The following CACNA1C variants were observed in gnomAD, a reference collection of about 807,000 sequenced individuals.
CACNA1C encodes calcium voltage-gated channel subunit alpha1 C.
In CACNA1C, 30 loss-of-function variants were observed where a neutral mutation model predicts 229.0. The ratio of observed to expected loss-of-function variants is 0.13; its 90% CI spans 0.10 to 0.18. CACNA1C has a LOEUF of 0.18. Ranked by LOEUF, CACNA1C falls within the 10% of genes least tolerant of loss-of-function variation. The pLI, the probability that CACNA1C is intolerant of heterozygous loss-of-function variation, is 1.00. For synonymous variants in CACNA1C, 1,114 were observed against 1,132.5 expected, an observed-to-expected ratio of 0.98 and a Z score of 0.33; for missense variants, 1,658 against 2,845.0, an observed-to-expected ratio of 0.58 and a Z score of 9.49.
At chr12:2,420,915 C>T (rs750538840) in intron 3 of CACNA1C, among the ~76,000 whole-genome samples, 3 of 152,184 alleles carry the variant, frequency 2.0e-5, no homozygotes, top group Non-Finnish European at 4.4e-5. Context: ...CTTGGGGGTG[C>T]TCTGAAACCT....
intron 1 of CACNA1C, among the ~76,000 whole-genome samples, chr12:2,031,282 A>G (rs1376104805): frequency 6.6e-6 from 1 of 152,164 alleles, no homozygotes; most frequent in Non-Finnish European, 1.5e-5. Context: ...TGGTCTCAGT[A>G]CGGAGAAACC....
At position 2,285,973 on chromosome 12, in the gene CACNA1C, G is replaced by C. The variant is rs2092613277; in HGVS notation, c.478-163003G>C. On this transcript the variant is annotated intron_variant, in intron 3 of 46. Transcript: ENST00000399655. The surrounding 1 kb of genome is among the most constrained non-coding windows in gnomAD (Gnocchi z 4.2). ...TTATAGTCAGGGAGTTTGAGGCCCA[G>C]GGACATTTCCCAGGGGATGAACTCT... Among the ~76,000 whole-genome samples the C allele has an allele frequency of 1.3e-5, 2 of 152,188 alleles. No homozygotes were observed.
intron 1 of CACNA1C, among the ~76,000 whole-genome samples, chr12:2,012,738 G>A (rs1485195962): frequency 1.3e-5 from 2 of 152,206 alleles, no homozygotes; most frequent in Non-Finnish European, 1.5e-5. Context: ...GTGATGTACA[G>A]GCAAGTACCA....
intron 3 of CACNA1C, among the ~76,000 whole-genome samples, chr12:2,291,767 C>T (rs1380220635): frequency 6.6e-6 from 1 of 152,156 alleles, no homozygotes; most frequent in Admixed American, 6.5e-5. Context: ...TGTAACCAGC[C>T]CACTGGAATC....
intron 3 of CACNA1C, among the ~76,000 whole-genome samples, chr12:2,332,092 A>G (rs2096565893): frequency 6.6e-6 from 1 of 152,224 alleles, no homozygotes; most frequent in African/African-American, 2.4e-5. Flanking sequence ...CTTTGTTTCT[A>G]TAAAATACAT....
intron 7 of CACNA1C, among the ~76,000 whole-genome samples, chr12:2,494,995 TA>T (rs1371285436): frequency 1.3e-5 from 2 of 152,160 alleles, no homozygotes; most frequent in Non-Finnish European, 2.9e-5. Context: ...AACTAAACTC[TA>T]AACTGAGTAA....
chr12:2,408,914 T>G (rs986612902), intron 3 of CACNA1C, among the ~76,000 whole-genome samples: 1 of 152,052 alleles, frequency 6.6e-6, no homozygotes, highest in Non-Finnish European at 1.5e-5. Context: ...TAACATCAAG[T>G]AAGAAGCCTA....
chr12:2,019,389 G>A (rs1310992417), intron 1 of CACNA1C, among the ~76,000 whole-genome samples: 1 of 151,698 alleles, frequency 6.6e-6, no homozygotes, highest in Non-Finnish European at 1.5e-5. Context: ...GAGCCCAGGA[G>A]TGCAAGGCTG....
At position 2,655,256 on chromosome 12, in the gene CACNA1C, T is replaced by C. The variant is rs779157902; in HGVS notation, c.4232+18T>C. On this transcript the variant is annotated intron_variant, in intron 34 of 46. Coordinates refer to ENST00000399655, the MANE Select transcript of CACNA1C (RefSeq NM_000719.7). ...CTCTTCAGGTGGGTCCCTGAAGACA[T>C]AGGTGCACAGATACACACACACCTG... 11 of 1,481,292 alleles carry C rather than the reference T, an allele frequency of 7.4e-6. No homozygotes were observed. The highest frequency in any genetic ancestry group is 1.0e-5 in the Non-Finnish European group (11 of 1,060,456). The allele number at this position is 1,481,292 out of a possible 1,614,324, so 91.8% of individuals were successfully genotyped here.
intron 3 of CACNA1C, among the ~76,000 whole-genome samples, chr12:2,259,147 A>C (rs945278161): frequency 6.6e-5 from 10 of 152,310 alleles, no homozygotes; most frequent in African/African-American, 2.4e-4. Flanking sequence ...AGTGGTTCTC[A>C]GAATATGGCC....
rs115761103 is a variant in CACNA1C, at chr12:2,524,061, C to G, written c.1390+11077C>G. ...CATCCAGTAATGGAGGGAGATTAGC[C>G]ACGTATTGTATTTCCATCGTCGGGT... On this transcript the variant is annotated intron_variant, in intron 9 of 46. Transcript: ENST00000399655. 3.1e-3 allele frequency among the ~76,000 whole-genome samples: 475 copies of G among 152,282 alleles called. 1 individual carries two copies. The highest frequency in any genetic ancestry group is 0.011 in the African/African-American group (447 of 41,548).
At chr12:2,210,942 G>A (rs2097901653) in intron 3 of CACNA1C, among the ~76,000 whole-genome samples, 1 of 152,110 alleles carries the variant, frequency 6.6e-6, no homozygotes, top group Non-Finnish European at 1.5e-5. Flanking sequence ...TATACAGGTG[G>A]GCAAGCTGGG....
At chr12:2,173,067 C>T (rs917894989) in intron 3 of CACNA1C, among the ~76,000 whole-genome samples, 2 of 152,138 alleles carry the variant, frequency 1.3e-5, no homozygotes, top group South Asian at 2.1e-4. Context: ...TGAGTGTGTC[C>T]GGCGGTGTCT....
rs1231891280 is a variant in CACNA1C, at chr12:2,403,569, G to C, written c.478-45407G>C. Among the ~76,000 whole-genome samples the C allele has an allele frequency of 6.6e-6, 1 of 152,062 alleles. No individual in the cohort carries two copies. Among genetic ancestry groups the C allele is most frequent in the Non-Finnish European group, 1.5e-5 (1 of 68,016 alleles). Reference sequence around the variant, plus strand: ...TCTTTAATTAAACTTTTTTGATTAAGTGACAGCTTTTACCACTCCTGGCAG... The same window carrying C: ...TCTTTAATTAAACTTTTTTGATTAACTGACAGCTTTTACCACTCCTGGCAG... On this transcript the variant is annotated intron_variant, in intron 3 of 46. Coordinates refer to ENST00000399655, the MANE Select transcript of CACNA1C (RefSeq NM_000719.7). This position sits in a 1 kb window ranked among gnomAD's most constrained non-coding sequence, Gnocchi z 4.1.
chr12:2,124,369 A>T (rs2088936778), intron 3 of CACNA1C, among the ~76,000 whole-genome samples: 1 of 152,120 alleles, frequency 6.6e-6, no homozygotes, highest in African/African-American at 2.4e-5. Context: ...ATGCCATAAG[A>T]GATACTTCAG....
At chr12:2,485,606 T>C (rs1269066769) in intron 5 of CACNA1C, among the ~76,000 whole-genome samples, 1 of 152,172 alleles carries the variant, frequency 6.6e-6, no homozygotes, top group Non-Finnish European at 1.5e-5. Context: ...GATTTTCAAG[T>C]GTACATTCAG....
At chr12:2,087,430 G>C (rs1391053716) in intron 1 of CACNA1C, among the ~76,000 whole-genome samples, 2 of 152,226 alleles carry the variant, frequency 1.3e-5, no homozygotes, top group Middle Eastern at 3.2e-3. Flanking sequence ...AGAGCCACTG[G>C]GAGATGTGGG....
chr12:2,177,587 C>CCCTCCCTCCCT lies in CACNA1C; in HGVS notation c.477+57160_477+57161insCCCTCCCTCCT, dbSNP rs750852324. On this transcript the variant is annotated intron_variant, in intron 3 of 46. Coordinates refer to ENST00000399655, the MANE Select transcript of CACNA1C (RefSeq NM_000719.7). The stretch of plus-strand genomic sequence containing the variant: ...TCCCTCCCTCCCTCCCTCCCTCCCT[C>CCCTCCCTCCCT]CCTTCCTTCCTTCCTTCCTTCCTTC... Among the ~76,000 whole-genome samples the CCCTCCCTCCCT allele has an allele frequency of 8.3e-3, 649 of 78,490 alleles. 14 individuals carry two copies. Among genetic ancestry groups the CCCTCCCTCCCT allele is most frequent in the Non-Finnish European group, 0.012 (496 of 42,580 alleles). 51.5% of individuals were successfully genotyped at this position (78,490 alleles called of 152,430 possible). A position where few individuals can be genotyped will look rare whatever the true frequency, so the allele number is the denominator to read the frequency against.
intron 1 of CACNA1C, among the ~76,000 whole-genome samples, chr12:2,037,016 C>T (rs1400868046): frequency 1.3e-5 from 2 of 152,192 alleles, no homozygotes; most frequent in Non-Finnish European, 2.9e-5. Context: ...ACCTTCTTGT[C>T]TGCTTACTTT....
Sources: gnomAD v4.1 joint callset for allele counts (sites outside exome capture counted in the v4.1 genomes callset) on GRCh38, gnomAD v4.1.1 for gene constraint, Gnocchi (gnomAD v3.1) non-coding constraint, MANE v1.5 for transcripts, NCBI Gene and HGNC (gene_info 2026-07-23, HGNC 2026-07-21) for gene names.